The following PRSS12 variants were observed in gnomAD, a reference collection of about 807,000 sequenced individuals.
PRSS12 encodes the protein neurotrypsin.
In PRSS12, 85 loss-of-function variants were observed where a neutral mutation model predicts 104.4. The observed-to-expected ratio is 0.81, with a 90% confidence interval of 0.68 to 0.98. The LOEUF (loss-of-function observed/expected upper bound fraction) is 0.98, where lower values mean the gene tolerates loss of function less well. Ranked by LOEUF, PRSS12 falls within the 50% of genes least tolerant of loss-of-function variation. The pLI is 0.00. For missense variants in PRSS12, 1,141 were observed against 1,139.2 expected (o/e 1.00, Z -0.02); for synonymous variants, 454 against 425.2 (o/e 1.07, Z -0.83).
chr4:118,339,208 C>T (rs1163011530), intron 1 of PRSS12, among the ~76,000 whole-genome samples: 1 of 152,144 alleles, frequency 6.6e-6, no homozygotes, highest in Non-Finnish European at 1.5e-5. Flanking sequence ...AGTGGGACAA[C>T]TGAGCAGAGA....
At chr4:118,325,949 C>T (rs1042213650) in intron 4 of PRSS12, among the ~76,000 whole-genome samples, 3 of 152,146 alleles carry the variant, frequency 2.0e-5, no homozygotes, top group Non-Finnish European at 4.4e-5. Context: ...GGTTCTATTT[C>T]CAATCCCTAT....
intron 2 of PRSS12, among the ~76,000 whole-genome samples, chr4:118,337,230 C>T (rs917607795): frequency 6.6e-6 from 1 of 152,110 alleles, no homozygotes; most frequent in Admixed American, 6.5e-5. Context: ...AAAATACTTG[C>T]AAACTGCAAA....
intron 4 of PRSS12, among the ~76,000 whole-genome samples, chr4:118,331,499 G>A (rs1234854770): frequency 6.6e-6 from 1 of 152,176 alleles, no homozygotes; most frequent in Non-Finnish European, 1.5e-5. Context: ...GATTCTTAGT[G>A]ACATAAAATC....
chr4:118,315,868 T>A (rs1355137180), intron 6 of PRSS12, among the ~76,000 whole-genome samples: 1 of 152,288 alleles, frequency 6.6e-6, no homozygotes, highest in African/African-American at 2.4e-5. Context: ...CCAATAGTAA[T>A]GACGTGTCAG....
intron 11 of PRSS12, among the ~76,000 whole-genome samples, chr4:118,289,926 G>A (rs1351664744): frequency 6.6e-6 from 1 of 152,058 alleles, no homozygotes; most frequent in Non-Finnish European, 1.5e-5. Context: ...CTTAAACTGT[G>A]CAAATAATGA....
chr4:118,309,443 C>G (rs1442065509), intron 7 of PRSS12, among the ~76,000 whole-genome samples: 2 of 146,912 alleles, frequency 1.4e-5, no homozygotes, highest in African/African-American at 2.5e-5. Context: ...AGAGGACTGC[C>G]ATATACAAGC....
chr4:118,331,909 A>G (rs781188075), intron 3 of PRSS12, 43 bp from the exon 4 acceptor site: 3 of 1,610,984 alleles, frequency 1.9e-6, no homozygotes, highest in Admixed American at 1.7e-5. Flanking sequence ...CTATGCATTT[A>G]CATTGATTGA....
chr4:118,336,184 T>C (rs1162769135), intron 2 of PRSS12, among the ~76,000 whole-genome samples: 1 of 152,248 alleles, frequency 6.6e-6, no homozygotes, highest in Non-Finnish European at 1.5e-5. Context: ...AATCCATTTA[T>C]AATTTTTAAA....
Position 118,282,822 on chromosome 4 carries a change from A to C in PRSS12, c.2320+9T>G. 6.2e-7 allele frequency: 1 copy of C among 1,614,050 alleles called. No individual in the cohort carries two copies. The highest frequency in any genetic ancestry group is 1.1e-5 in the South Asian group (1 of 91,084). ...AAAAGGTGCCCTGCTTTTTTTGATT[A>C]TGCCTTACCTGTGTCACCCCATCCT... On this transcript the variant is annotated intron_variant, in intron 12 of 12. Transcript: ENST00000296498.
Position 118,295,815 on chromosome 4 carries a change from G to A in PRSS12, c.1879C>T (p.Arg627Trp), listed in dbSNP as rs754920304. ...SVCGLRLLHR[R>W]QKRIIGGKNS... ...TTCCCACCAATGATCCGCTTCTGCC[G>A]ACGGTGCAGTAATCTCAAGCCACAA... The change falls in exon 10 of 13, where the codon CGG becomes TGG. Residue 627 changes from arginine (R) to tryptophan (W), a missense_variant. Physicochemically the swap from Arg to Trp is moderately radical, Grantham distance 101 (BLOSUM62 -3). Transcript: ENST00000296498. 34 of 1,614,004 alleles carry A rather than the reference G, an allele frequency of 2.1e-5. No individual in the cohort carries two copies. Among genetic ancestry groups the A allele is most frequent in the East Asian group, 1.8e-4 (8 of 44,872 alleles).
chr4:118,345,251 G>A (rs1724329408), intron 1 of PRSS12, among the ~76,000 whole-genome samples: 1 of 152,150 alleles, frequency 6.6e-6, no homozygotes, highest in Non-Finnish European at 1.5e-5. Flanking sequence ...TGCATGTGTG[G>A]CTTGTAGGGG....
At position 118,326,500 on chromosome 4, in the gene PRSS12, G is replaced by A. The variant is rs190409431; in HGVS notation, c.971+5216C>T. On this transcript the variant is annotated intron_variant, in intron 4 of 12. Coordinates refer to ENST00000296498, the MANE Select transcript of PRSS12 (RefSeq NM_003619.4). Reference sequence around the variant, plus strand: ...ATGGTAAAGTTTGTCTGACTACAGAGCAGACCGAAACACTGAGCATTCTTG... The same window carrying A: ...ATGGTAAAGTTTGTCTGACTACAGAACAGACCGAAACACTGAGCATTCTTG... Among the ~76,000 whole-genome samples the A allele has an allele frequency of 2.6e-5, 4 of 152,312 alleles. No homozygotes were observed. In the East Asian group the frequency reaches 7.7e-4, roughly 29 times the overall value.
rs1743781822 is a variant in PRSS12, at chr4:118,312,799, G to A, written c.1489+402C>T. 8.5e-5 allele frequency: 20 copies of A among 234,192 alleles called. No homozygotes were observed. In the South Asian group the frequency reaches 1.1e-3, roughly 13 times the overall value. 14.5% of individuals were successfully genotyped at this position (234,192 alleles called of 1,614,324 possible). A position where few individuals can be genotyped will look rare whatever the true frequency, so the allele number is the denominator to read the frequency against. Reference sequence around the variant, plus strand: ...CAGGACTAGAGAAGAAATGAACCATGAGACAGGGAGAGGAGAATATTCTTA... The same window carrying A: ...CAGGACTAGAGAAGAAATGAACCATAAGACAGGGAGAGGAGAATATTCTTA... On this transcript the variant is annotated intron_variant, in intron 7 of 12. Coordinates refer to ENST00000296498, the MANE Select transcript of PRSS12 (RefSeq NM_003619.4).
chr4:118,349,601 G>C (rs1724441440), intron 1 of PRSS12, among the ~76,000 whole-genome samples: 1 of 152,142 alleles, frequency 6.6e-6, no homozygotes, highest in Non-Finnish European at 1.5e-5. Flanking sequence ...AATCAGCTGT[G>C]AAGTAAAAAT....
intron 4 of PRSS12, among the ~76,000 whole-genome samples, chr4:118,326,406 C>G (rs1235847069): frequency 1.3e-5 from 2 of 152,138 alleles, no homozygotes; most frequent in Non-Finnish European, 2.9e-5. Flanking sequence ...TGCTATTATA[C>G]CAAATTTACT....
Position 118,318,483 on chromosome 4 carries a change from A to T in PRSS12, c.1045T>A (p.Cys349Ser). 1 of 1,614,190 alleles carries T rather than the reference A, an allele frequency of 6.2e-7. No individual in the cohort carries two copies. The highest frequency in any genetic ancestry group is 8.5e-7 in the Non-Finnish European group (1 of 1,180,022). ...SGPVMLDEVR[C>S]TGNELSIEQC... ...TCAATTGAAAGCTCATTCCCAGTGC[A>T]GCGTACTTCATCCAACATAACTGGG... Residue 349 changes from cysteine to serine, a missense_variant, in exon 5 of 13, where the codon TGC (cysteine) becomes AGC (serine). Cys to Ser is a moderately radical substitution (Grantham distance 112, BLOSUM62 -1). Coordinates refer to ENST00000296498, the MANE Select transcript of PRSS12 (RefSeq NM_003619.4).
intron 3 of PRSS12, among the ~76,000 whole-genome samples, chr4:118,334,393 G>A (rs1724010307): frequency 6.6e-6 from 1 of 152,126 alleles, no homozygotes; most frequent in African/African-American, 2.4e-5. Flanking sequence ...TGAGCATAGA[G>A]TAAAACCAAT....
chr4:118,312,945 G>T (rs1038931180), intron 7 of PRSS12: 12 of 501,880 alleles, frequency 2.4e-5, no homozygotes, highest in Non-Finnish European at 3.9e-5. Flanking sequence ...AGATACAGAT[G>T]ATTGTAAACA....
chr4:118,323,202 CAGG>C (rs1276312962), intron 4 of PRSS12, among the ~76,000 whole-genome samples: 1 of 151,944 alleles, frequency 6.6e-6, no homozygotes, highest in African/African-American at 2.4e-5. Context: ...AAGGACAAAA[CAGG>C]AGGAGACAGG....
Sources: allele counts gnomAD v4.1 joint callset (sites outside exome capture counted in the v4.1 genomes callset), GRCh38; gene constraint gnomAD v4.1.1; transcripts MANE v1.5; gene names NCBI Gene and HGNC (gene_info 2026-07-23, HGNC 2026-07-21).